The following CHRNB3 variants were observed in gnomAD, a reference collection of about 807,000 sequenced individuals.
CHRNB3 encodes the protein cholinergic receptor nicotinic beta 3 subunit, also known as neuronal acetylcholine receptor subunit beta-3.
CHRNB3 carries 37 observed loss-of-function variants against 40.6 expected under a neutral mutation model. The ratio of observed to expected loss-of-function variants is 0.91; its 90% CI spans 0.70 to 1.20. The LOEUF (loss-of-function observed/expected upper bound fraction) is 1.20. Ranked by LOEUF, CHRNB3 falls within the 50% of genes most tolerant of loss-of-function variation. The pLI, the probability that CHRNB3 is intolerant of heterozygous loss-of-function variation, is 0.00. For missense variants in CHRNB3, 505 were observed against 551.2 expected (o/e 0.92, Z 0.84); for synonymous variants, 207 against 207.1 (o/e 1.00, Z 0.00).
chr8:42,703,435 A>AAAAAAAAAATATATATATATAT lies in CHRNB3; in HGVS notation c.53-5281_53-5280insAAAAAAAATATATATATATATA. On this transcript the variant is annotated intron_variant, in intron 1 of 5. Coordinates refer to ENST00000289957, the MANE Select transcript of CHRNB3 (RefSeq NM_000749.5). ...CAAGACTTCGTCTAAAAAAAAAAAA[A>AAAAAAAAAATATATATATATAT]ATATTTATATATATATATATATATA... Among the ~76,000 whole-genome samples, 33 of 47,386 alleles carry AAAAAAAAAATATATATATATAT rather than the reference A, an allele frequency of 7.0e-4. 4 individuals carry two copies. The highest frequency in any genetic ancestry group is 1.8e-3 in the South Asian group (2 of 1,134). 31.1% of individuals were successfully genotyped at this position (47,386 alleles called of 152,430 possible).
At chr8:42,707,939 G>A (rs551087769) in intron 1 of CHRNB3, among the ~76,000 whole-genome samples, 11 of 152,236 alleles carry the variant, frequency 7.2e-5, no homozygotes, top group Non-Finnish European at 1.5e-4. Context: ...TGCTCCCATC[G>A]TCAGGGAGCT....
chr8:42,719,083 T>C (rs62518192), intron 3 of CHRNB3, among the ~76,000 whole-genome samples: 8,710 of 152,154 alleles, frequency 0.057, 327 homozygotes, highest in Middle Eastern at 0.099. Context: ...TATGCAAACA[T>C]GGAATATTAT....
chr8:42,729,182 C>T (rs905925369), intron 3 of CHRNB3, among the ~76,000 whole-genome samples: 6 of 151,956 alleles, frequency 3.9e-5, no homozygotes, highest in Non-Finnish European at 8.8e-5. Flanking sequence ...CCGAGGCGGG[C>T]AGATCATGAG....
At chr8:42,719,122 G>C (rs967654062) in intron 3 of CHRNB3, among the ~76,000 whole-genome samples, 6 of 152,136 alleles carry the variant, frequency 3.9e-5, no homozygotes, top group Non-Finnish European at 8.8e-5. Flanking sequence ...AGAAGGGAGA[G>C]ACAGGAGCTT....
intron 1 of CHRNB3, among the ~76,000 whole-genome samples, chr8:42,701,748 G>C (rs550625984): frequency 6.6e-6 from 1 of 152,136 alleles, no homozygotes; most frequent in South Asian, 2.1e-4. Context: ...GCTCTGTTGA[G>C]ATAAACAGCA....
chr8:42,701,402 G>T (rs1326663617), intron 1 of CHRNB3, among the ~76,000 whole-genome samples: 1 of 151,680 alleles, frequency 6.6e-6, no homozygotes, highest in East Asian at 1.9e-4. Context: ...AAATTAGCCA[G>T]GCATGGTGGC....
chr8:42,724,997 A>G (rs942974942), intron 3 of CHRNB3, among the ~76,000 whole-genome samples: 13 of 152,114 alleles, frequency 8.5e-5, no homozygotes, highest in East Asian at 7.7e-4. Flanking sequence ...AAACAAAAAA[A>G]GAAAACACTG....
At position 42,708,704 on chromosome 8, in the gene CHRNB3, G is replaced by T. The variant is rs1202943376; in HGVS notation, c.53-13G>T. On this transcript the variant is annotated splice_polypyrimidine_tract_variant and intron_variant, in intron 1 of 5. Coordinates refer to ENST00000289957, the MANE Select transcript of CHRNB3 (RefSeq NM_000749.5). ...CTCCCATTAACCCAGGTCCACCCAT[G>T]ATTCTTTTACAGCCACCACAGGTTT... 1.2e-6 allele frequency: 2 copies of T among 1,613,076 alleles called. No individual in the cohort carries two copies. Among genetic ancestry groups the T allele is most frequent in the Non-Finnish European group, 1.7e-6 (2 of 1,179,556 alleles).
rs571198935 is a variant in CHRNB3 at position 42,728,807 on chromosome 8, G to A, written c.250-1787G>A. ...TATACAGCTATTTGCATTAATAACT[G>A]TAAACCAAAGAGTGAATTTTATTGT... On this transcript the variant is annotated intron_variant, in intron 3 of 5. Transcript: ENST00000289957. Among the ~76,000 whole-genome samples the A allele has an allele frequency of 1.0e-3, 157 of 152,268 alleles. 1 individual carries two copies. Among genetic ancestry groups the A allele is most frequent in the African/African-American group, 3.7e-3 (152 of 41,534 alleles).
chr8:42,703,422 T>TAAAAA lies in CHRNB3; in HGVS notation c.53-5285_53-5281dup, dbSNP rs1202825994. The stretch of plus-strand genomic sequence containing the variant: ...CGGGGTGACAGAGCAAGACTTCGTC[T>TAAAAA]AAAAAAAAAAAAAATATTTATATAT... On this transcript the variant is annotated intron_variant, in intron 1 of 5. Coordinates refer to ENST00000289957, the MANE Select transcript of CHRNB3 (RefSeq NM_000749.5). 7.9e-3 allele frequency among the ~76,000 whole-genome samples: 207 copies of TAAAAA among 26,328 alleles called. 17 individuals carry two copies. The highest frequency in any genetic ancestry group is 0.024 in the Non-Finnish European group (140 of 5,730). 17.3% of individuals were successfully genotyped at this position (26,328 alleles called of 152,430 possible). A position where few individuals can be genotyped will look rare whatever the true frequency, so the allele number is the denominator to read the frequency against.
At chr8:42,697,666 T>C (rs1408924898) in intron 1 of CHRNB3, 68 bp downstream of exon 1, 10 of 1,159,958 alleles carry the variant, frequency 8.6e-6, no homozygotes, top group Non-Finnish European at 1.0e-5. Flanking sequence ...GGCAAAACTA[T>C]GGTGTTGATA....
intron 5 of CHRNB3, among the ~76,000 whole-genome samples, chr8:42,734,931 T>C (rs1019414668): frequency 6.6e-6 from 1 of 151,866 alleles, no homozygotes; most frequent in African/African-American, 2.4e-5. Flanking sequence ...TTAAAAACAC[T>C]AATACAGGGC....
At chr8:42,713,453 T>G (rs908681446) in intron 3 of CHRNB3, among the ~76,000 whole-genome samples, 3 of 152,134 alleles carry the variant, frequency 2.0e-5, no homozygotes, top group Admixed American at 6.6e-5. Flanking sequence ...TCCACAGGCA[T>G]GGAGCACACT....
chr8:42,714,394 C>T (rs1467595406), intron 3 of CHRNB3, among the ~76,000 whole-genome samples: 2 of 151,646 alleles, frequency 1.3e-5, no homozygotes, highest in East Asian at 1.9e-4. Flanking sequence ...CCCAGCTACT[C>T]GGGAGGCTGA....
chr8:42,711,375 T>C (rs1441365576), intron 3 of CHRNB3, among the ~76,000 whole-genome samples: 5 of 152,010 alleles, frequency 3.3e-5, no homozygotes, highest in African/African-American at 4.8e-5. Flanking sequence ...GGTTTTTTTT[T>C]TAATTTAGTT....
intron 1 of CHRNB3, among the ~76,000 whole-genome samples, chr8:42,703,738 C>T (rs1351973199): frequency 6.6e-6 from 1 of 152,036 alleles, no homozygotes; most frequent in Non-Finnish European, 1.5e-5. Context: ...CCGTTATGGC[C>T]TTTTGTTCAT....
intron 3 of CHRNB3, chr8:42,715,030 C>T (rs1417524556): frequency 6.6e-6 from 1 of 152,106 alleles, no homozygotes; most frequent in Non-Finnish European, 1.5e-5. Context: ...AAGTTAGGAT[C>T]CACTCCATCT....
intron 3 of CHRNB3, among the ~76,000 whole-genome samples, chr8:42,727,053 C>T (rs1330336165): frequency 1.3e-5 from 2 of 152,012 alleles, no homozygotes; most frequent in Non-Finnish European, 2.9e-5. Flanking sequence ...CTATAATAAC[C>T]AAGACAGTGT....
In CHRNB3 at chr8:42,735,899, C is replaced by T. The variant is rs75107606; in HGVS notation, c.1243-585C>T. ...TTATAAACTTGTGATTCTTTTCATA[C>T]GTGTATCAGGAAGCACCCTAGTAAG... On this transcript the variant is annotated intron_variant, in intron 5 of 5. Coordinates refer to ENST00000289957, the MANE Select transcript of CHRNB3 (RefSeq NM_000749.5). Among the ~76,000 whole-genome samples the T allele has an allele frequency of 4.5e-4, 68 of 152,266 alleles. 2 individuals are homozygous for T. The East Asian group carries it at 9.5e-3, about 21-fold the overall frequency.
Sources: allele counts gnomAD v4.1 joint callset (sites outside exome capture counted in the v4.1 genomes callset), GRCh38; gene constraint gnomAD v4.1.1; transcripts MANE v1.5; gene names NCBI Gene and HGNC (gene_info 2026-07-23, HGNC 2026-07-21).